The following CACNB4 variants were observed in gnomAD, a reference collection of about 807,000 sequenced individuals.
CACNB4 encodes voltage-dependent L-type calcium channel subunit beta-4.
CACNB4 carries 32 observed loss-of-function variants against 71.2 expected under a neutral mutation model. The ratio of observed to expected loss-of-function variants is 0.45; its 90% CI spans 0.34 to 0.60. CACNB4 has a LOEUF of 0.60. Ranked by LOEUF, CACNB4 falls within the 20% of genes least tolerant of loss-of-function variation. The pLI, the probability that CACNB4 is intolerant of heterozygous loss-of-function variation, is 0.01. For missense variants in CACNB4, 464 were observed against 647.9 expected (o/e 0.72, Z 3.08); for synonymous variants, 231 against 236.9 (o/e 0.97, Z 0.23).
intron 2 of CACNB4, among the ~76,000 whole-genome samples, chr2:152,056,145 G>A (rs575935552): frequency 8.5e-5 from 13 of 152,200 alleles, no homozygotes; most frequent in African/African-American, 2.9e-4. Context: ...GATGGATCAC[G>A]AAGTCAGGAG....
At chr2:152,060,316 C>T (rs980797392) in intron 2 of CACNB4, among the ~76,000 whole-genome samples, 1 of 152,132 alleles carries the variant, frequency 6.6e-6, no homozygotes, top group Non-Finnish European at 1.5e-5. Context: ...TCATTTCATA[C>T]CATTACATTA....
intron 2 of CACNB4, among the ~76,000 whole-genome samples, chr2:151,977,325 A>C (rs2099873995): frequency 6.6e-6 from 1 of 152,256 alleles, no homozygotes; most frequent in South Asian, 2.1e-4. Context: ...CACGTGATTC[A>C]TGATGGGGAA....
intron 2 of CACNB4, chr2:151,968,810 G>T (rs564788032): frequency 6.6e-6 from 1 of 152,256 alleles, no homozygotes; most frequent in Non-Finnish European, 1.5e-5. Flanking sequence ...AATAACAGCA[G>T]CAGAAAAGGA....
intron 2 of CACNB4, among the ~76,000 whole-genome samples, chr2:151,898,661 A>T (rs950775653): frequency 1.3e-5 from 2 of 152,236 alleles, no homozygotes; most frequent in Non-Finnish European, 2.9e-5. Flanking sequence ...TATGAGATGC[A>T]TGCCTTAAAA....
In CACNB4 at chr2:151,838,369, A is replaced by C. The variant is rs901509478; in HGVS notation, c.*750T>G. ...GTTTGTATTTGTTTTTGCCAACTTCAAATGAGCTAACAGTACTGACCAAAC... is the reference window on the plus strand; with the variant it reads ...GTTTGTATTTGTTTTTGCCAACTTCCAATGAGCTAACAGTACTGACCAAAC... On this transcript the variant is annotated 3_prime_UTR_variant, in exon 14 of 14. Transcript: ENST00000539935. 6.6e-6 allele frequency: 1 copy of C among 152,664 alleles called. No individual in the cohort carries two copies. Among genetic ancestry groups the C allele is most frequent in the Non-Finnish European group, 1.5e-5 (1 of 68,040 alleles). The allele number at this position is 152,664 out of a possible 1,614,324, so 9.5% of individuals were successfully genotyped here.
rs541533215 is a variant in CACNB4 at position 151,876,746 on chromosome 2, T to TATAAACTATATTTTAC, written c.391-191_391-190insGTAAAATATAGTTTAT. Among the ~76,000 whole-genome samples, 3 of 144,038 alleles carry TATAAACTATATTTTAC rather than the reference T, an allele frequency of 2.1e-5. No homozygotes were observed. The South Asian group carries it at 6.3e-4, about 30-fold the overall frequency. The allele number at this position is 144,038 out of a possible 152,430, so 94.5% of individuals were successfully genotyped here. On this transcript the variant is annotated intron_variant, in intron 4 of 13. Transcript: ENST00000539935. ...ATACTATACTATAGACTATATTTTATATGTATATGTGTGTATACTATATTT... is the reference window on the plus strand; with the variant it reads ...ATACTATACTATAGACTATATTTTATATAAACTATATTTTACATGTATATGTGTGTATACTATATTT...
intron 2 of CACNB4, among the ~76,000 whole-genome samples, chr2:152,069,243 C>T (rs1428273449): frequency 2.0e-5 from 3 of 152,144 alleles, no homozygotes; most frequent in African/African-American, 7.2e-5. Context: ...GATATTAGTT[C>T]TTCACCCGCT....
intron 2 of CACNB4, among the ~76,000 whole-genome samples, chr2:152,067,959 T>TTAAC (rs1214111962): frequency 6.6e-6 from 1 of 152,198 alleles, no homozygotes; most frequent in African/African-American, 2.4e-5. Context: ...TTTAGGTGCA[T>TTAAC]TAACTATTAA....
chr2:152,097,029 A>G (rs1249051412), intron 2 of CACNB4, among the ~76,000 whole-genome samples: 1 of 152,254 alleles, frequency 6.6e-6, no homozygotes, highest in Non-Finnish European at 1.5e-5. Context: ...GCCTTATCAA[A>G]TACATAATCT....
chr2:151,874,408 C>T (rs1182453173), intron 5 of CACNB4, among the ~76,000 whole-genome samples: 1 of 149,236 alleles, frequency 6.7e-6, no homozygotes, highest in East Asian at 2.0e-4. Flanking sequence ...GCAGAGGTTG[C>T]AGTGAGCCAA....
At chr2:151,851,095 A>C (rs374078878) in intron 12 of CACNB4, 5 of 152,334 alleles carry the variant, frequency 3.3e-5, no homozygotes, top group African/African-American at 9.6e-5. Flanking sequence ...CCAATTAAGT[A>C]AGTCGCAAAT....
intron 2 of CACNB4, among the ~76,000 whole-genome samples, chr2:152,068,516 A>G (rs1686475963): frequency 6.6e-6 from 1 of 152,192 alleles, no homozygotes; most frequent in Admixed American, 6.5e-5. Context: ...GTTTTAGACC[A>G]GGGGCTACAA....
intron 2 of CACNB4, among the ~76,000 whole-genome samples, chr2:151,941,321 G>A (rs971718926): frequency 9.1e-4 from 116 of 127,032 alleles, no homozygotes; most frequent in African/African-American, 2.9e-3. Context: ...TCGCTCTGTC[G>A]TCCAGGCTGA....
chr2:151,907,844 C>A (rs2151524962), intron 2 of CACNB4, among the ~76,000 whole-genome samples: 1 of 152,254 alleles, frequency 6.6e-6, no homozygotes, highest in East Asian at 1.9e-4. Flanking sequence ...GCTGTTCCCT[C>A]ATGTGGGCTG....
intron 2 of CACNB4, among the ~76,000 whole-genome samples, chr2:151,903,361 A>G (rs2099853944): frequency 6.6e-6 from 1 of 151,220 alleles, no homozygotes; most frequent in Non-Finnish European, 1.5e-5. Context: ...TAAAAATCCA[A>G]AAAAAAAATT....
chr2:151,938,849 T>C (rs1041094062), intron 2 of CACNB4, among the ~76,000 whole-genome samples: 1 of 152,162 alleles, frequency 6.6e-6, no homozygotes, highest in Non-Finnish European at 1.5e-5. Context: ...GTAAATACAA[T>C]GGAAAGGTTC....
intron 2 of CACNB4, among the ~76,000 whole-genome samples, chr2:151,931,513 A>G (rs2099861618): frequency 6.6e-6 from 1 of 152,246 alleles, no homozygotes; most frequent in Admixed American, 6.5e-5. Context: ...ACATGGCAAC[A>G]TCAAATTCAT....
At chr2:151,937,207 T>C (rs1421165041) in intron 2 of CACNB4, among the ~76,000 whole-genome samples, 5 of 152,212 alleles carry the variant, frequency 3.3e-5, no homozygotes, top group Non-Finnish European at 1.5e-5. Flanking sequence ...TGGCTGGGTG[T>C]AATAACTATA....
intron 13 of CACNB4, among the ~76,000 whole-genome samples, chr2:151,840,651 T>A (rs1426321976): frequency 1.3e-5 from 2 of 152,218 alleles, no homozygotes; most frequent in Admixed American, 6.5e-5. Context: ...CATTTCTAGT[T>A]TCAAAAGCTA....
Sources: allele counts gnomAD v4.1 joint callset (sites outside exome capture counted in the v4.1 genomes callset), GRCh38; gene constraint gnomAD v4.1.1; transcripts MANE v1.5; gene names NCBI Gene and HGNC (gene_info 2026-07-23, HGNC 2026-07-21).